DLGAP2: variants seen among roughly 807,000 people sequenced by gnomAD.
The protein encoded by DLGAP2 is disks large-associated protein 2.
Under a neutral mutation model 100.3 loss-of-function variants are expected in DLGAP2, and 26 were observed. The observed-to-expected ratio is 0.26, with a 90% CI of 0.19 to 0.36. DLGAP2 has a LOEUF of 0.36. DLGAP2 is among the 10% of genes least tolerant of loss of function. DLGAP2 has a pLI of 1.00. For missense variants in DLGAP2, 1,858 were observed against 1,453.2 expected (o/e 1.28, Z -4.53); for synonymous variants, 886 against 630.1 (o/e 1.41, Z -6.08).
At chr8:945,717 T>C (rs1270877874) in intron 2 of DLGAP2, among the ~76,000 whole-genome samples, 1 of 152,182 alleles carries the variant, frequency 6.6e-6, no homozygotes, top group Non-Finnish European at 1.5e-5. Flanking sequence ...ATTGGGAACA[T>C]TTACAGGGAA....
At chr8:1,038,638 C>G (rs570138295) in intron 2 of DLGAP2, among the ~76,000 whole-genome samples, 7 of 152,322 alleles carry the variant, frequency 4.6e-5, no homozygotes, top group African/African-American at 4.8e-5. Flanking sequence ...TTGGTTAGCA[C>G]TTTAATTTCA....
chr8:1,038,887 C>T (rs1339857598), intron 2 of DLGAP2, among the ~76,000 whole-genome samples: 1 of 152,192 alleles, frequency 6.6e-6, no homozygotes, highest in Non-Finnish European at 1.5e-5. Context: ...TGTCATATTA[C>T]ATCAACTATT....
chr8:838,654 T>C (rs1023722912), intron 1 of DLGAP2, among the ~76,000 whole-genome samples: 1 of 152,188 alleles, frequency 6.6e-6, no homozygotes, highest in Non-Finnish European at 1.5e-5. Flanking sequence ...ATTTTTTTTT[T>C]ACTCCTGACT....
At chr8:775,251 T>C (rs1205625176) in intron 1 of DLGAP2, among the ~76,000 whole-genome samples, 1 of 152,150 alleles carries the variant, frequency 6.6e-6, no homozygotes, top group Admixed American at 6.5e-5. Context: ...GATTTTGGGC[T>C]GAGACAATGG....
chr8:1,678,862 G>A (rs1052700783), intron 12 of DLGAP2: 4 of 461,954 alleles, frequency 8.7e-6, no homozygotes, highest in Non-Finnish European at 1.5e-5. Flanking sequence ...CAGGTAAGTT[G>A]AATAGAAAAT....
intron 3 of DLGAP2, among the ~76,000 whole-genome samples, chr8:1,303,232 C>G (rs1409934280): frequency 6.6e-6 from 1 of 152,044 alleles, no homozygotes; most frequent in Non-Finnish European, 1.5e-5. Context: ...CCCGTCTCTA[C>G]TAAAAATACA....
intron 3 of DLGAP2, among the ~76,000 whole-genome samples, chr8:1,416,568 C>T (rs1359489893): frequency 6.6e-6 from 1 of 152,172 alleles, no homozygotes; most frequent in Non-Finnish European, 1.5e-5. Flanking sequence ...CCTCTGCCTC[C>T]ACGGCCGCCC....
Position 1,678,501 on chromosome 8 carries a change from G to T in DLGAP2, c.2576G>T (p.Gly859Val), listed in dbSNP as rs760607758. The T allele has an allele frequency of 2.5e-6, 4 of 1,612,206 alleles. No individual in the cohort carries two copies. The Admixed American group carries it at 6.7e-5, about 27-fold the overall frequency. The change falls in exon 12 of 15, where the codon GGG becomes GTG. Residue 859 changes from glycine to valine, a missense_variant. Coordinates refer to ENST00000637795, the MANE Select transcript of DLGAP2 (RefSeq NM_001346810.2). Reference sequence around the variant, plus strand: ...CCCGCCATCGACACGGTAGAGACTGGGAGGATGTCTCCGTGCCGCAGGGAT... The same window carrying T: ...CCCGCCATCGACACGGTAGAGACTGTGAGGATGTCTCCGTGCCGCAGGGAT... ...LEPAIDTVET[G>V]RMSPCRRDGS...
rs891924438 is a variant in DLGAP2, at chr8:750,923, C to T, written c.18+13098C>T. Among the ~76,000 whole-genome samples the T allele has an allele frequency of 7.4e-4, 113 of 152,356 alleles. 1 individual carries two copies. Among genetic ancestry groups the T allele is most frequent in the African/African-American group, 2.6e-3 (107 of 41,588 alleles). On this transcript the variant is annotated intron_variant, in intron 1 of 14. Coordinates refer to ENST00000637795, the MANE Select transcript of DLGAP2 (RefSeq NM_001346810.2). ...GTTCCGAAATATTTGTCACTGGGCCCCGGCTCGTTTTGTCTGAGAAGGTGA... is the reference window on the plus strand; with the variant it reads ...GTTCCGAAATATTTGTCACTGGGCCTCGGCTCGTTTTGTCTGAGAAGGTGA...
At chr8:1,257,075 C>A (rs1262746614) in intron 2 of DLGAP2, among the ~76,000 whole-genome samples, 1 of 152,086 alleles carries the variant, frequency 6.6e-6, no homozygotes. Flanking sequence ...CCCGTGAAGG[C>A]AGGTGCAGTC....
intron 8 of DLGAP2, among the ~76,000 whole-genome samples, chr8:1,664,327 C>G (rs1377315481): frequency 6.6e-6 from 1 of 152,192 alleles, no homozygotes; most frequent in Non-Finnish European, 1.5e-5. Flanking sequence ...CGTCCTACTC[C>G]TGCTTCCCAG....
chr8:1,435,730 G>A (rs190816556), intron 3 of DLGAP2, among the ~76,000 whole-genome samples: 82 of 151,946 alleles, frequency 5.4e-4, no homozygotes, highest in African/African-American at 1.8e-3. Flanking sequence ...GGCGATGGCA[G>A]CTCCACGTCT....
intron 2 of DLGAP2, among the ~76,000 whole-genome samples, chr8:1,194,281 A>C (rs553408020): frequency 2.9e-4 from 44 of 152,044 alleles, no homozygotes; most frequent in Non-Finnish European, 5.0e-4. Context: ...TTGAGAGTGA[A>C]CCTGCAAGAG....
At chr8:1,498,363 G>C (rs1030921005) in intron 3 of DLGAP2, among the ~76,000 whole-genome samples, 1 of 138,374 alleles carries the variant, frequency 7.2e-6, no homozygotes, top group Non-Finnish European at 1.6e-5. Flanking sequence ...ACTATTTCAA[G>C]ATACGGCAAA....
At chr8:1,258,140 T>C (rs1799268420) in intron 2 of DLGAP2, among the ~76,000 whole-genome samples, 1 of 152,218 alleles carries the variant, frequency 6.6e-6, no homozygotes, top group Admixed American at 6.5e-5. Context: ...CCATGGATTT[T>C]AGTGTTTTCC....
At position 1,498,123 on chromosome 8, in the gene DLGAP2, G is replaced by A. The variant is rs551158301; in HGVS notation, c.107-3243G>A. Among the ~76,000 whole-genome samples, 5 of 152,324 alleles carry A rather than the reference G, an allele frequency of 3.3e-5. No individual in the cohort carries two copies. The East Asian group carries it at 9.7e-4, about 29-fold the overall frequency. ...TCAAACATTTTCCGATTGGCCATTG[G>A]TTGAAAGAGTTAAATTATTGTCTGA... is the stretch of plus-strand genomic sequence containing the variant. On this transcript the variant is annotated intron_variant, in intron 3 of 14. Transcript: ENST00000637795.
rs77603358 is a variant in DLGAP2 at position 1,087,982 on chromosome 8, C to G, written c.74-170869C>G. On this transcript the variant is annotated intron_variant, in intron 2 of 14. Coordinates refer to ENST00000637795, the MANE Select transcript of DLGAP2 (RefSeq NM_001346810.2). ...TCCTGGGCTATGTGGCCTCCTTATC[C>G]ATCCTGGATAGAGCTGCACTTCACT... Among the ~76,000 whole-genome samples the G allele has an allele frequency of 9.5e-3, 1,444 of 152,342 alleles. 20 individuals are homozygous for G. Among genetic ancestry groups the G allele is most frequent in the African/African-American group, 0.033 (1,358 of 41,572 alleles).
At chr8:853,627 C>T (rs979995960) in intron 1 of DLGAP2, among the ~76,000 whole-genome samples, 1 of 152,210 alleles carries the variant, frequency 6.6e-6, no homozygotes, top group African/African-American at 2.4e-5. Flanking sequence ...TAGCCCAGGG[C>T]CAGCCTCGCA....
chr8:1,502,857 C>A (rs1378653541), intron 4 of DLGAP2, among the ~76,000 whole-genome samples: 1 of 152,130 alleles, frequency 6.6e-6, no homozygotes, highest in African/African-American at 2.4e-5. Context: ...CCCACGTGCC[C>A]CAGGGGCCTT....
Sources: gnomAD v4.1 joint callset for allele counts (sites outside exome capture counted in the v4.1 genomes callset) on GRCh38, gnomAD v4.1.1 for gene constraint, MANE v1.5 for transcripts, NCBI Gene and HGNC (gene_info 2026-07-23, HGNC 2026-07-21) for gene names.